The following MSRA variants were observed in gnomAD, a reference collection of about 807,000 sequenced individuals.
MSRA encodes the protein mitochondrial peptide methionine sulfoxide reductase.
A neutral mutation model predicts 31.3 loss-of-function variants in MSRA; 54 were observed. That is an observed-to-expected ratio of 1.73 (90% CI 1.39 to 2.17). The LOEUF (loss-of-function observed/expected upper bound fraction) is 2.17. Ranked by LOEUF, MSRA falls within the 30% of genes most tolerant of loss-of-function variation. The pLI is 0.00. For synonymous variants in MSRA, 169 were observed against 116.5 expected (o/e 1.45, Z -2.90); for missense variants, 507 against 300.9 (o/e 1.69, Z -5.07).
chr8:10,423,274 G>A (rs972105238), intron 5 of MSRA, among the ~76,000 whole-genome samples: 5 of 152,154 alleles, frequency 3.3e-5, no homozygotes, highest in South Asian at 2.1e-4. Flanking sequence ...ACCGAGATCC[G>A]GATCTAAGGC....
intron 1 of MSRA, among the ~76,000 whole-genome samples, chr8:10,134,945 C>G (rs1585002248): frequency 6.6e-6 from 1 of 152,176 alleles, no homozygotes; most frequent in Non-Finnish European, 1.5e-5. Flanking sequence ...GCTGTAAAAG[C>G]TAGAGCTGTT....
chr8:10,383,556 C>G (rs1806205269), intron 5 of MSRA, among the ~76,000 whole-genome samples: 1 of 151,004 alleles, frequency 6.6e-6, no homozygotes, highest in African/African-American at 2.4e-5. Flanking sequence ...TTTTTTTTTT[C>G]CAGGTGGTTT....
At chr8:10,327,676 G>A (rs540150182) in intron 5 of MSRA, among the ~76,000 whole-genome samples, 1 of 152,236 alleles carries the variant, frequency 6.6e-6, no homozygotes, top group African/African-American at 2.4e-5. Flanking sequence ...GCTCACGCCT[G>A]TAATCCCAGC....
At chr8:10,141,587 A>T (rs1021307237) in intron 1 of MSRA, among the ~76,000 whole-genome samples, 2 of 152,218 alleles carry the variant, frequency 1.3e-5, no homozygotes, top group Admixed American at 6.5e-5. Context: ...GTCACATCCC[A>T]GCCTTCTGGC....
At position 10,054,489 on chromosome 8, in the gene MSRA, G is replaced by A. The variant is rs776296031; in HGVS notation, c.-28G>A. ...TCCGCTGCCGGTAGCGCCGTCCCCCGGGACCACCCTTCGGCTGGCGCCCTC... is the reference window on the plus strand; with the variant it reads ...TCCGCTGCCGGTAGCGCCGTCCCCCAGGACCACCCTTCGGCTGGCGCCCTC... On this transcript the variant is annotated 5_prime_UTR_variant, in exon 1 of 6. Transcript: ENST00000317173. The A allele has an allele frequency of 5.3e-6, 8 of 1,496,674 alleles. No homozygotes were observed. Among genetic ancestry groups the A allele is most frequent in the Non-Finnish European group, 7.2e-6 (8 of 1,115,010 alleles). The allele number at this position is 1,496,674 out of a possible 1,614,324, so 92.7% of individuals were successfully genotyped here. A position where few individuals can be genotyped will look rare whatever the true frequency, so the allele number is the denominator to read the frequency against.
chr8:10,243,873 T>C (rs1797469344), intron 2 of MSRA, among the ~76,000 whole-genome samples: 2 of 152,212 alleles, frequency 1.3e-5, no homozygotes, highest in Admixed American at 1.3e-4. Flanking sequence ...AAATAATTTT[T>C]TACTGCATTA....
At chr8:10,294,757 C>G (rs1800439152) in intron 3 of MSRA, among the ~76,000 whole-genome samples, 1 of 152,088 alleles carries the variant, frequency 6.6e-6, no homozygotes, top group African/African-American at 2.4e-5. Context: ...GGAGGGGCAC[C>G]CACTCAGCTG....
At chr8:10,267,075 C>G (rs1238122404) in intron 3 of MSRA, among the ~76,000 whole-genome samples, 1 of 152,168 alleles carries the variant, frequency 6.6e-6, no homozygotes, top group Admixed American at 6.5e-5. Context: ...TTCCTCTTCC[C>G]CCTTTAATGC....
intron 5 of MSRA, among the ~76,000 whole-genome samples, chr8:10,324,362 G>T (rs1802239106): frequency 6.6e-6 from 1 of 152,194 alleles, no homozygotes. Flanking sequence ...TAGAGGGGTG[G>T]AGCATGTCAG....
chr8:10,056,198 C>CA (rs35457688), intron 1 of MSRA, among the ~76,000 whole-genome samples: 49,241 of 89,256 alleles, frequency 0.55, 12,719 homozygotes, highest in Middle Eastern at 0.6. Context: ...TCCCATACAC[C>CA]AAAAAAAAAA....
At chr8:10,269,929 G>C (rs564464985) in intron 3 of MSRA, among the ~76,000 whole-genome samples, 1 of 152,026 alleles carries the variant, frequency 6.6e-6, no homozygotes, top group African/African-American at 2.4e-5. Context: ...GGGATTACAG[G>C]CGTGAGCCAT....
intron 1 of MSRA, among the ~76,000 whole-genome samples, chr8:10,124,287 G>A (rs1445310445): frequency 2.0e-5 from 3 of 152,188 alleles, no homozygotes; most frequent in South Asian, 2.1e-4. Flanking sequence ...ATTGGCAGGC[G>A]AGAGAGAGGC....
At chr8:10,339,869 A>G (rs1353145501) in intron 5 of MSRA, among the ~76,000 whole-genome samples, 6 of 151,944 alleles carry the variant, frequency 3.9e-5, no homozygotes, top group African/African-American at 1.2e-4. Flanking sequence ...AGGCTGTCTG[A>G]TGACTAACGA....
At chr8:10,104,110 C>A (rs1256452594) in intron 1 of MSRA, among the ~76,000 whole-genome samples, 1 of 152,106 alleles carries the variant, frequency 6.6e-6, no homozygotes, top group Non-Finnish European at 1.5e-5. Flanking sequence ...CGTAGCCATT[C>A]TTCTGTGGAT....
chr8:10,284,302 C>T (rs1799816291), intron 3 of MSRA, among the ~76,000 whole-genome samples: 1 of 152,140 alleles, frequency 6.6e-6, no homozygotes, highest in Non-Finnish European at 1.5e-5. Flanking sequence ...AATTCTCCTG[C>T]CTCAGCCTCC....
chr8:10,409,633 G>A (rs1808035068), intron 5 of MSRA, among the ~76,000 whole-genome samples: 2 of 152,178 alleles, frequency 1.3e-5, no homozygotes, highest in South Asian at 4.2e-4. Context: ...ATGCAGGGGA[G>A]CCTGGTACAG....
chr8:10,416,077 C>A (rs1463881321), intron 5 of MSRA, among the ~76,000 whole-genome samples: 1 of 152,082 alleles, frequency 6.6e-6, no homozygotes, highest in East Asian at 1.9e-4. Flanking sequence ...GGGAACTTCT[C>A]CTGCCTGAGC....
intron 1 of MSRA, among the ~76,000 whole-genome samples, chr8:10,177,077 C>A (rs891752640): frequency 6.6e-6 from 1 of 152,122 alleles, no homozygotes; most frequent in Non-Finnish European, 1.5e-5. Context: ...CAGTTTATTA[C>A]GTGCTGTTTG....
Position 10,054,657 on chromosome 8 carries a change from G to A in MSRA, c.141G>A (p.Ala47=), listed in dbSNP as rs372906730. 7.7e-6 allele frequency: 12 copies of A among 1,548,962 alleles called. No individual in the cohort carries two copies. The highest frequency in any genetic ancestry group is 7.1e-5 in the African/African-American group (5 of 70,382). The change falls in exon 1 of 6, where the codon GCG becomes GCA. Residue 47 remains alanine (A), a splice_region_variant and synonymous_variant. Transcript: ENST00000317173. ...LPGRKEQTPV[A]AKHHVNGNRT... ...GCCGGAAGGAACAGACCCCTGTAGCGGGTAAGCACTGGCCACACGGAAGGC... is the reference window on the plus strand; with the variant it reads ...GCCGGAAGGAACAGACCCCTGTAGCAGGTAAGCACTGGCCACACGGAAGGC...
Sources: allele counts gnomAD v4.1 joint callset (sites outside exome capture counted in the v4.1 genomes callset), GRCh38; gene constraint gnomAD v4.1.1; transcripts MANE v1.5; gene names NCBI Gene and HGNC (gene_info 2026-07-23, HGNC 2026-07-21).